The following ICA1 variants were observed in gnomAD, a reference collection of about 807,000 sequenced individuals.
ICA1 encodes 69 kDa islet cell autoantigen.
ICA1 carries 40 observed loss-of-function variants against 71.0 expected under a neutral mutation model. The ratio of observed to expected loss-of-function variants is 0.56; its 90% CI spans 0.44 to 0.73. ICA1 has a LOEUF of 0.73. Among genes scored for constraint, ICA1 ranks in the 30% least tolerant of loss-of-function variants. The probability of loss-of-function intolerance (pLI) is 0.00; values close to 1 mark genes in which losing one functional copy is unlikely to be tolerated. For synonymous variants in ICA1, 207 were observed against 209.5 expected (o/e 0.99, Z 0.10); for missense variants, 578 against 576.5 (o/e 1.00, Z -0.03).
chr7:8,153,456 T>C (rs1435974603), intron 8 of ICA1, among the ~76,000 whole-genome samples: 1 of 152,150 alleles, frequency 6.6e-6, no homozygotes, highest in East Asian at 1.9e-4. Flanking sequence ...ATATAATATA[T>C]GTGAGATTTT....
chr7:8,199,215 C>G (rs1179208052), intron 6 of ICA1, among the ~76,000 whole-genome samples: 1 of 152,130 alleles, frequency 6.6e-6, no homozygotes, highest in East Asian at 1.9e-4. Context: ...TCCAACAATC[C>G]CACTGCAGGG....
intron 6 of ICA1, among the ~76,000 whole-genome samples, chr7:8,211,177 G>T (rs1226576583): frequency 1.3e-5 from 2 of 152,174 alleles, no homozygotes; most frequent in East Asian, 3.9e-4. Flanking sequence ...ACCCACAGCT[G>T]ATTTACTTAG....
intron 6 of ICA1, among the ~76,000 whole-genome samples, chr7:8,167,753 T>C (rs1422680334): frequency 6.6e-6 from 1 of 152,112 alleles, no homozygotes; most frequent in Non-Finnish European, 1.5e-5. Context: ...AGACCAGGGA[T>C]GGACATCTTT....
At chr7:8,231,810 C>T (rs1176818819) in intron 3 of ICA1, among the ~76,000 whole-genome samples, 9 of 152,220 alleles carry the variant, frequency 5.9e-5, no homozygotes. Flanking sequence ...TTAACCCTCT[C>T]TGATGTAGAA....
At chr7:8,122,121 T>A (rs73235843) in intron 13 of ICA1, among the ~76,000 whole-genome samples, 1 of 151,992 alleles carries the variant, frequency 6.6e-6, no homozygotes, top group Non-Finnish European at 1.5e-5. Context: ...GTGAGTGGCA[T>A]GCTCTAAGGA....
chr7:8,147,836 T>C lies in ICA1; in HGVS notation c.805-3864A>G, dbSNP rs141904394. Among the ~76,000 whole-genome samples, 730 of 152,202 alleles carry C rather than the reference T, an allele frequency of 4.8e-3. 3 individuals are homozygous for C. Among genetic ancestry groups the C allele is most frequent in the African/African-American group, 0.017 (712 of 41,498 alleles). The stretch of plus-strand genomic sequence containing the variant: ...TGAATAATGTCATTTTGTTATAATG[T>C]TGATGAGAAAAAAAAATGGATTTCC... On this transcript the variant is annotated intron_variant, in intron 8 of 13. Transcript: ENST00000402384.
At chr7:8,213,750 C>G (rs543618160) in intron 6 of ICA1, among the ~76,000 whole-genome samples, 8 of 152,322 alleles carry the variant, frequency 5.3e-5, no homozygotes, top group African/African-American at 1.7e-4. Flanking sequence ...TAGACCCAAA[C>G]CTTCACAATC....
At chr7:8,134,390 C>A (rs1792581019) in intron 12 of ICA1, among the ~76,000 whole-genome samples, 1 of 152,190 alleles carries the variant, frequency 6.6e-6, no homozygotes, top group South Asian at 2.1e-4. Context: ...TACTGAGTTT[C>A]ATGACCTCAG....
intron 8 of ICA1, among the ~76,000 whole-genome samples, chr7:8,149,044 G>A (rs560153725): frequency 2.6e-5 from 4 of 152,244 alleles, no homozygotes; most frequent in Admixed American, 1.3e-4. Flanking sequence ...CCTATAGAAC[G>A]CATAGAAGTC....
chr7:8,125,129 A>G (rs1788666763), intron 13 of ICA1, among the ~76,000 whole-genome samples: 1 of 152,178 alleles, frequency 6.6e-6, no homozygotes, highest in Non-Finnish European at 1.5e-5. Context: ...ATCCCAGCAG[A>G]GGAAATAAAA....
Position 8,155,808 on chromosome 7 carries a change from A to G in ICA1, c.804+1308T>C, listed in dbSNP as rs113530782. Among the ~76,000 whole-genome samples, 793 of 152,300 alleles carry G rather than the reference A, an allele frequency of 5.2e-3. 6 individuals are homozygous for G. The highest frequency in any genetic ancestry group is 0.016 in the African/African-American group (672 of 41,556). ...CCTTGGTCAGAATGCCTGCTTCTGA[A>G]GGTGCAGTAAATCAGAGATGATGAA... On this transcript the variant is annotated intron_variant, in intron 8 of 13. Coordinates refer to ENST00000402384, the MANE Select transcript of ICA1 (RefSeq NM_001136020.3).
In ICA1 at chr7:8,252,753, C is replaced by A. The variant is rs540638724; in HGVS notation, c.-80+9341G>T. Among the ~76,000 whole-genome samples the A allele has an allele frequency of 2.7e-5, 4 of 150,868 alleles. No individual in the cohort carries two copies. The South Asian group carries it at 8.3e-4, about 31-fold the overall frequency. ...TATTTACATATGTATATTATATATTCTGCTTTATATTTAATTATATTTTTT... is the reference window on the plus strand; with the variant it reads ...TATTTACATATGTATATTATATATTATGCTTTATATTTAATTATATTTTTT... On this transcript the variant is annotated intron_variant, in intron 1 of 13. Coordinates refer to ENST00000402384, the MANE Select transcript of ICA1 (RefSeq NM_001136020.3).
intron 8 of ICA1, among the ~76,000 whole-genome samples, chr7:8,154,077 AT>A (rs1490746594): frequency 6.6e-6 from 1 of 152,098 alleles, no homozygotes; most frequent in Non-Finnish European, 1.5e-5. Context: ...AATTAAAATG[AT>A]GAAGGAATGT....
In ICA1 at chr7:8,157,146, A is replaced by G; in HGVS notation, c.774T>C (p.Gly258=). The part of the protein sequence containing the change: ...TMAAIHESFK[G]YQPYEFTTLK... ...AAGTAGTAAATTCATATGGTTGATA[A>G]CCTTTGAAACTCTCATGGATGGCTG... Residue 258 remains glycine (G), a synonymous_variant, in exon 8 of 14, where the codon GGT becomes GGC. Coordinates refer to ENST00000402384, the MANE Select transcript of ICA1 (RefSeq NM_001136020.3). 1 of 1,613,862 alleles carries G rather than the reference A, an allele frequency of 6.2e-7. No homozygotes were observed.
intron 1 of ICA1, among the ~76,000 whole-genome samples, chr7:8,246,068 G>A (rs1805884333): frequency 6.6e-6 from 1 of 152,148 alleles, no homozygotes; most frequent in Non-Finnish European, 1.5e-5. Flanking sequence ...TATGAAACAA[G>A]CCCAGAAAGA....
chr7:8,253,458 A>G (rs1395909361), intron 1 of ICA1, among the ~76,000 whole-genome samples: 1 of 152,218 alleles, frequency 6.6e-6, no homozygotes, highest in African/African-American at 2.4e-5. Context: ...AATATATACA[A>G]TATGTATCCA....
At chr7:8,201,800 A>G (rs1218645878) in intron 6 of ICA1, among the ~76,000 whole-genome samples, 1 of 152,226 alleles carries the variant, frequency 6.6e-6, no homozygotes, top group Non-Finnish European at 1.5e-5. Flanking sequence ...TGGAAGTCCA[A>G]GGTAATCAGA....
intron 6 of ICA1, among the ~76,000 whole-genome samples, chr7:8,188,872 C>A (rs1182729553): frequency 1.3e-5 from 2 of 152,258 alleles, no homozygotes; most frequent in South Asian, 4.2e-4. Flanking sequence ...TTCTATCTTT[C>A]AGTGACGCAA....
At chr7:8,159,771 C>G (rs2348895) in intron 6 of ICA1, among the ~76,000 whole-genome samples, 1 of 151,962 alleles carries the variant, frequency 6.6e-6, no homozygotes, top group African/African-American at 2.4e-5. Flanking sequence ...AAATTACACC[C>G]TCCTTCAATC....
Sources: gnomAD v4.1 joint callset for allele counts (sites outside exome capture counted in the v4.1 genomes callset) on GRCh38, gnomAD v4.1.1 for gene constraint, MANE v1.5 for transcripts, NCBI Gene and HGNC (gene_info 2026-07-23, HGNC 2026-07-21) for gene names.